DOCK3: variants seen among roughly 807,000 people sequenced by gnomAD.
DOCK3 encodes the protein dedicator of cytokinesis protein 3.
A neutral mutation model predicts 265.6 loss-of-function variants in DOCK3; 60 were observed. The ratio of observed to expected loss-of-function variants is 0.23; its 90% confidence interval spans 0.18 to 0.28. DOCK3 has a LOEUF of 0.28. Among genes scored for constraint, DOCK3 ranks in the 10% least tolerant of loss-of-function variants. DOCK3 has a pLI of 1.00. For missense variants in DOCK3, 1,981 were observed against 2,594.3 expected (o/e 0.76, Z 5.14); for synonymous variants, 881 against 938.0 (o/e 0.94, Z 1.11).
intron 12 of DOCK3, among the ~76,000 whole-genome samples, chr3:51,205,222 C>T (rs1005427240): frequency 5.3e-5 from 8 of 151,690 alleles, no homozygotes; most frequent in African/African-American, 1.2e-4. Flanking sequence ...AGAAGGTCCA[C>T]ATCTATCACC....
In DOCK3 at chr3:51,013,481, G is replaced by T. The variant is rs905319711; in HGVS notation, c.316-50967G>T. On this transcript the variant is annotated intron_variant, in intron 5 of 52. Coordinates refer to ENST00000266037, the MANE Select transcript of DOCK3 (RefSeq NM_004947.5). ...GTTTGCCTGGGTATCACCAGTGGAG[G>T]CTGCAGAACAGCAAATATTGCAGAA... 1.1e-4 allele frequency among the ~76,000 whole-genome samples: 17 copies of T among 152,194 alleles called. 1 individual carries two copies. The highest frequency in any genetic ancestry group is 2.4e-4 in the Non-Finnish European group (16 of 68,034).
At chr3:51,018,018 G>A (rs1452436762) in intron 5 of DOCK3, among the ~76,000 whole-genome samples, 8 of 151,280 alleles carry the variant, frequency 5.3e-5, no homozygotes, top group East Asian at 1.9e-4. Context: ...TCAGCCTCCC[G>A]AGTACCTGGA....
intron 9 of DOCK3, among the ~76,000 whole-genome samples, chr3:51,146,155 A>G (rs2085290994): frequency 6.6e-6 from 1 of 152,192 alleles, no homozygotes; most frequent in Admixed American, 6.5e-5. Flanking sequence ...CTCTAATATG[A>G]TGAAGGTTTT....
intron 1 of DOCK3, among the ~76,000 whole-genome samples, chr3:50,747,821 G>A (rs1056891866): frequency 5.4e-5 from 8 of 148,976 alleles, no homozygotes; most frequent in Admixed American, 2.0e-4. Flanking sequence ...CCAAGATTGC[G>A]CCACTGCACT....
chr3:51,197,505 C>T (rs889807813), intron 12 of DOCK3, among the ~76,000 whole-genome samples: 9 of 152,148 alleles, frequency 5.9e-5, no homozygotes, highest in African/African-American at 2.2e-4. Flanking sequence ...GTGGCACATG[C>T]AGGCAGATGC....
At chr3:50,685,872 A>G (rs2034761799) in intron 1 of DOCK3, 1 of 155,160 alleles carries the variant, frequency 6.4e-6, no homozygotes, top group Admixed American at 6.5e-5. Flanking sequence ...AGCCTTGCCC[A>G]TTTTCTAATT....
rs1212560511 is a variant in DOCK3 at position 51,348,906 on chromosome 3, C to G, written c.3970C>G (p.Leu1324Val). 6.3e-7 allele frequency: 1 copy of G among 1,583,040 alleles called. No homozygotes were observed. The highest frequency in any genetic ancestry group is 1.3e-5 in the African/African-American group (1 of 74,280). Residue 1324 changes from leucine (L) to valine (V), a missense_variant, in exon 39 of 53, where the codon CTC becomes GTC. Leu to Val is a conservative substitution (Grantham distance 32, BLOSUM62 1). Coordinates refer to ENST00000266037, the MANE Select transcript of DOCK3 (RefSeq NM_004947.5). Reference protein sequence around the residue: ...CRELACQYESLYDYQSLSWIR... With the variant: ...CRELACQYESVYDYQSLSWIR... ...GGAGCTGGCGTGTCAGTACGAGAGC[C>G]TCTATGATTACCAGAGCCTCAGCTG...
At chr3:51,142,511 G>C (rs952628643) in intron 9 of DOCK3, among the ~76,000 whole-genome samples, 4 of 152,006 alleles carry the variant, frequency 2.6e-5, no homozygotes, top group Non-Finnish European at 5.9e-5. Context: ...TTTTCATTGA[G>C]TTTTTTCATT....
intron 49 of DOCK3, among the ~76,000 whole-genome samples, chr3:51,365,370 C>T (rs1477671058): frequency 6.6e-6 from 1 of 152,210 alleles, no homozygotes; most frequent in Non-Finnish European, 1.5e-5. Flanking sequence ...TGCTTATTAG[C>T]TTAAGGAGCT....
chr3:51,026,611 C>A (rs139547914), intron 5 of DOCK3, among the ~76,000 whole-genome samples: 1 of 152,102 alleles, frequency 6.6e-6, no homozygotes, highest in East Asian at 1.9e-4. Flanking sequence ...TCCATCTGGT[C>A]TAAGGCTTTT....
chr3:50,897,551 T>C (rs982979484), intron 4 of DOCK3, among the ~76,000 whole-genome samples: 2 of 152,218 alleles, frequency 1.3e-5, no homozygotes, highest in African/African-American at 4.8e-5. Flanking sequence ...GGCATCCTTG[T>C]CTTGTGCCAG....
chr3:50,691,669 A>G (rs911028060), intron 1 of DOCK3, among the ~76,000 whole-genome samples: 1 of 152,192 alleles, frequency 6.6e-6, no homozygotes, highest in Non-Finnish European at 1.5e-5. Context: ...TGTGCTATAC[A>G]TTCCCACCAG....
intron 4 of DOCK3, among the ~76,000 whole-genome samples, chr3:50,915,619 C>T (rs2050077756): frequency 6.6e-6 from 1 of 151,942 alleles, no homozygotes; most frequent in Admixed American, 6.6e-5. Context: ...CAGCAGTTTC[C>T]CAGGGGGTGA....
Position 51,018,412 on chromosome 3 carries a change from A to AG in DOCK3, c.316-46036_316-46035insG, listed in dbSNP as rs1398999702. 1.3e-4 allele frequency among the ~76,000 whole-genome samples: 19 copies of AG among 150,426 alleles called. 1 individual carries two copies. Among genetic ancestry groups the AG allele is most frequent in the African/African-American group, 4.2e-4 (17 of 40,562 alleles). On this transcript the variant is annotated intron_variant, in intron 5 of 52. Transcript: ENST00000266037. ...CAGGAGTCCAAGAAGAGCCTGGGCA[A>AG]CAAAGTGAGACACTATCTCCACAAA...
chr3:51,000,861 C>T (rs888589478), intron 5 of DOCK3, among the ~76,000 whole-genome samples: 16 of 152,224 alleles, frequency 1.1e-4, no homozygotes, highest in African/African-American at 3.9e-4. Context: ...CCATGTTCGC[C>T]AGGCTGGTCT....
chr3:51,090,065 G>A (rs2082579764), intron 8 of DOCK3, among the ~76,000 whole-genome samples, 165 bp from the exon 9 acceptor site: 2 of 117,452 alleles, frequency 1.7e-5, no homozygotes, highest in South Asian at 5.5e-4. Flanking sequence ...CTCAACCCAA[G>A]TCTGTTGATG....
chr3:51,057,843 A>G (rs755895291), intron 5 of DOCK3, among the ~76,000 whole-genome samples: 8 of 152,192 alleles, frequency 5.3e-5, no homozygotes, highest in Non-Finnish European at 1.2e-4. Flanking sequence ...TTCTTTGTGC[A>G]TCTTTACACA....
chr3:51,308,074 C>G (rs184884652), intron 27 of DOCK3, among the ~76,000 whole-genome samples: 288 of 151,872 alleles, frequency 1.9e-3, no homozygotes, highest in Middle Eastern at 3.4e-3. Flanking sequence ...ACCATTCTGT[C>G]CCTTCTAATG....
chr3:51,000,361 A>G (rs1385271325), intron 5 of DOCK3, among the ~76,000 whole-genome samples: 1 of 152,172 alleles, frequency 6.6e-6, no homozygotes, highest in African/African-American at 2.4e-5. Flanking sequence ...ACATACAATA[A>G]TTTGTGAATG....
Sources: allele counts gnomAD v4.1 joint callset (sites outside exome capture counted in the v4.1 genomes callset), GRCh38; gene constraint gnomAD v4.1.1; transcripts MANE v1.5; gene names NCBI Gene and HGNC (gene_info 2026-07-23, HGNC 2026-07-21).